The following TSEN2 variants were observed in gnomAD, a reference collection of about 807,000 sequenced individuals.
TSEN2 encodes tRNA-splicing endonuclease subunit Sen2.
TSEN2 carries 54 observed loss-of-function variants against 59.2 expected under a neutral mutation model. The observed-to-expected ratio is 0.91, with a 90% CI of 0.73 to 1.14. TSEN2 has a LOEUF of 1.14. Ranked by LOEUF, TSEN2 falls within the 50% of genes most tolerant of loss-of-function variation. TSEN2 has a pLI of 0.00. For missense variants in TSEN2, 636 were observed against 576.2 expected (o/e 1.10, Z -1.06); for synonymous variants, 195 against 198.2 (o/e 0.98, Z 0.14).
intron 9 of TSEN2, among the ~76,000 whole-genome samples, chr3:12,529,410 G>A (rs907276572): frequency 1.4e-5 from 2 of 147,130 alleles, no homozygotes; most frequent in Non-Finnish European, 1.5e-5. Context: ...AGGTTGCGGT[G>A]AGCCAAGATC....
At chr3:12,490,560 A>C (rs557226255) in intron 2 of TSEN2, among the ~76,000 whole-genome samples, 1 of 152,306 alleles carries the variant, frequency 6.6e-6, no homozygotes, top group African/African-American at 2.4e-5. Context: ...AATTTTCCAT[A>C]ATCTGTTCAT....
chr3:12,506,966 G>A (rs978611126), intron 6 of TSEN2: 41 of 582,126 alleles, frequency 7.0e-5, no homozygotes, highest in Non-Finnish European at 8.7e-5. Flanking sequence ...AGGCCGAGGC[G>A]GGTGGATCAC....
Position 12,519,208 on chromosome 3 carries a change from C to T in TSEN2, c.1099+11C>T, listed in dbSNP as rs778694576. On this transcript the variant is annotated intron_variant, in intron 8 of 11. Transcript: ENST00000284995. ...ACGGGACAGATTTACGTAAGTAATT[C>T]TTGGCGTGGTGTGTGTGAGAATAGA... 4.3e-6 allele frequency: 7 copies of T among 1,614,050 alleles called. No individual in the cohort carries two copies. Among genetic ancestry groups the T allele is most frequent in the African/African-American group, 2.7e-5 (2 of 74,930 alleles).
rs1433951857 is a variant in TSEN2 at position 12,490,000 on chromosome 3, G to T, written c.189+11G>T. 6.2e-7 allele frequency: 1 copy of T among 1,613,744 alleles called. No individual in the cohort carries two copies. The highest frequency in any genetic ancestry group is 8.5e-7 in the Non-Finnish European group (1 of 1,179,744). Reference sequence around the variant, plus strand: ...CAGCTCTATGGGAAAGTAAGTGCAGGCAGCCTTGGTAAGATTACTTTCAGA... The same window carrying T: ...CAGCTCTATGGGAAAGTAAGTGCAGTCAGCCTTGGTAAGATTACTTTCAGA... On this transcript the variant is annotated intron_variant, in intron 2 of 11. Coordinates refer to ENST00000284995, the MANE Select transcript of TSEN2 (RefSeq NM_025265.4).
Position 12,489,526 on chromosome 3 carries a change from G to A in TSEN2, c.-17-258G>A, listed in dbSNP as rs112137479. The stretch of plus-strand genomic sequence containing the variant: ...TTTGGGCATGTCACTAGGTCTCAGC[G>A]TTGTCAGCTGGAGTAGAAAGATTAC... On this transcript the variant is annotated intron_variant, in intron 1 of 11. Transcript: ENST00000284995. Among the ~76,000 whole-genome samples, 1,735 of 152,262 alleles carry A rather than the reference G, an allele frequency of 0.011. 15 individuals are homozygous for A. Among genetic ancestry groups the A allele is most frequent in the Non-Finnish European group, 0.016 (1,066 of 68,018 alleles).
intron 9 of TSEN2, among the ~76,000 whole-genome samples, 194 bp downstream of exon 9, chr3:12,529,118 T>C (rs1464043650): frequency 1.3e-5 from 2 of 152,200 alleles, no homozygotes; most frequent in Non-Finnish European, 2.9e-5. Flanking sequence ...TAGTTTATGA[T>C]AATATATGTT....
chr3:12,504,565 A>T lies in TSEN2; in HGVS notation c.832-589A>T, dbSNP rs1006783751. ...GTCTCAAAAAAACAAAAACATAGGC[A>T]CATGCTTATTAGGTACAATTGGGTG... On this transcript the variant is annotated intron_variant, in intron 5 of 11. Coordinates refer to ENST00000284995, the MANE Select transcript of TSEN2 (RefSeq NM_025265.4). Among the ~76,000 whole-genome samples the T allele has an allele frequency of 9.2e-5, 14 of 152,204 alleles. No individual in the cohort carries two copies. The South Asian group carries it at 2.5e-3, about 27-fold the overall frequency.
chr3:12,504,395 A>C (rs1187031057), intron 5 of TSEN2, among the ~76,000 whole-genome samples: 1 of 152,048 alleles, frequency 6.6e-6, no homozygotes, highest in Non-Finnish European at 1.5e-5. Flanking sequence ...CAGCCAGGGC[A>C]ATATAGCAAG....
chr3:12,481,897 ATGTG>A (rs151178256), upstream of TSEN2, among the ~76,000 whole-genome samples: 540 of 150,104 alleles, frequency 3.6e-3, 7 homozygotes, highest in African/African-American at 0.013. Flanking sequence ...CAGTTGATAT[ATGTG>A]TGTGTGTGTG....
intron 9 of TSEN2, 92 bp from the exon 10 acceptor site, chr3:12,529,670 T>G: frequency 8.6e-7 from 1 of 1,157,718 alleles, no homozygotes; most frequent in Non-Finnish European, 1.3e-6. Flanking sequence ...CAAATTTCAT[T>G]TTCTGTATAT....
At position 12,506,730 on chromosome 3, in the gene TSEN2, G is replaced by A. The variant is rs966056753; in HGVS notation, c.909+1499G>A. ...TAGTGCACACAGAAATGTCTTTTCT[G>A]CCTTTGAAGCTAGGACCGCTTCTTG... On this transcript the variant is annotated intron_variant, in intron 6 of 11. Coordinates refer to ENST00000284995, the MANE Select transcript of TSEN2 (RefSeq NM_025265.4). 18 of 985,146 alleles carry A rather than the reference G, an allele frequency of 1.8e-5. 1 individual carries two copies. The Middle Eastern group carries it at 2.1e-3, about 113-fold the overall frequency. The allele number at this position is 985,146 out of a possible 1,614,324, so 61.0% of individuals were successfully genotyped here. A position where few individuals can be genotyped will look rare whatever the true frequency, so the allele number is the denominator to read the frequency against.
chr3:12,484,268 C>T (rs1297924149), upstream of TSEN2, among the ~76,000 whole-genome samples: 5 of 152,272 alleles, frequency 3.3e-5, no homozygotes, highest in African/African-American at 1.2e-4. Context: ...CAGGATCGTT[C>T]TGGCTTCCGT....
intron 4 of TSEN2, among the ~76,000 whole-genome samples, chr3:12,502,663 G>A (rs559768125): frequency 6.7e-6 from 1 of 148,298 alleles, no homozygotes; most frequent in Non-Finnish European, 1.5e-5. Flanking sequence ...TTAAACTGGG[G>A]GTTAGTTTTT....
chr3:12,503,394 T>A lies in TSEN2; in HGVS notation c.441T>A (p.Ala147=), dbSNP rs1401345217. 1 of 1,614,142 alleles carries A rather than the reference T, an allele frequency of 6.2e-7. No individual in the cohort carries two copies. The highest frequency in any genetic ancestry group is 2.2e-5 in the East Asian group (1 of 44,868). ...CTCCTGTGAAAAGGAATGAAGAGGCTCAAGTGCATGACAAGCTTAACTCTG... is the reference window on the plus strand; with the variant it reads ...CTCCTGTGAAAAGGAATGAAGAGGCACAAGTGCATGACAAGCTTAACTCTG... ...EHPPVKRNEE[A]QVHDKLNSGM... The change falls in exon 5 of 12, where the codon GCT becomes GCA. Residue 147 remains alanine, a synonymous_variant. Transcript: ENST00000284995.
intron 10 of TSEN2, chr3:12,538,914 T>C (rs2057744256): frequency 1.4e-5 from 4 of 291,958 alleles, no homozygotes; most frequent in East Asian, 2.8e-4. Flanking sequence ...AAGTGCTTTG[T>C]AGCAGCAAAC....
At position 12,484,810 on chromosome 3, in the gene TSEN2, G is replaced by A. The variant is rs775164763; in HGVS notation, c.-88G>A. The A allele has an allele frequency of 1.3e-5, 2 of 152,422 alleles. No individual in the cohort carries two copies. Among genetic ancestry groups the A allele is most frequent in the African/African-American group, 2.4e-5 (1 of 41,464 alleles). 9.4% of individuals were successfully genotyped at this position (152,422 alleles called of 1,614,324 possible). On this transcript the variant is annotated 5_prime_UTR_variant, in exon 1 of 12. It removes an upstream start codon present in the reference 5' UTR. Coordinates refer to ENST00000284995, the MANE Select transcript of TSEN2 (RefSeq NM_025265.4). ...TGGGGCGCAAGGTGCAGCTGACAAT[G>A]CCCGAGAGGAGCCGCAGCCTCTGGT... is the stretch of plus-strand genomic sequence containing the variant.
At chr3:12,509,752 A>G (rs187627896) in intron 6 of TSEN2, among the ~76,000 whole-genome samples, 63 of 152,280 alleles carry the variant, frequency 4.1e-4, no homozygotes, top group East Asian at 1.9e-3. Flanking sequence ...ACAGAAAATG[A>G]CTTGAGCTCT....
chr3:12,516,713 A>C (rs375930364), intron 7 of TSEN2, 52 bp downstream of exon 7: 8 of 1,532,982 alleles, frequency 5.2e-6, no homozygotes, highest in Non-Finnish European at 7.2e-6. Flanking sequence ...TGTTGTTAAA[A>C]GCAGGTTGTA....
chr3:12,509,934 G>A (rs752183451), intron 6 of TSEN2, among the ~76,000 whole-genome samples: 5 of 152,226 alleles, frequency 3.3e-5, no homozygotes, highest in African/African-American at 7.2e-5. Context: ...TGCTTGGTGA[G>A]CACAGAGTTA....
Sources: gnomAD v4.1 joint callset for allele counts (sites outside exome capture counted in the v4.1 genomes callset) on GRCh38, gnomAD v4.1.1 for gene constraint, MANE v1.5 for transcripts, NCBI Gene and HGNC (gene_info 2026-07-23, HGNC 2026-07-21) for gene names.